EED: variants seen among roughly 807,000 people sequenced by gnomAD.
EED encodes embryonic ectoderm development, also known as polycomb protein EED.
Under a neutral mutation model 61.0 loss-of-function variants are expected in EED, and 9 were observed. That is an observed-to-expected ratio of 0.15 (90% CI 0.09 to 0.26). The LOEUF (loss-of-function observed/expected upper bound fraction) is 0.26, where lower values mean the gene tolerates loss of function less well. Ranked by LOEUF, EED falls within the 10% of genes least tolerant of loss-of-function variation. The probability of loss-of-function intolerance (pLI) is 1.00; values close to 1 mark genes in which losing one functional copy is unlikely to be tolerated. For synonymous variants in EED, 187 were observed against 174.4 expected (o/e 1.07, Z -0.57); for missense variants, 315 against 542.3 (o/e 0.58, Z 4.16).
At chr11:86,270,548 T>G (rs1431868533) in intron 9 of EED, among the ~76,000 whole-genome samples, 1 of 152,178 alleles carries the variant, frequency 6.6e-6, no homozygotes, top group African/African-American at 2.4e-5. Flanking sequence ...TTTTTAAAAT[T>G]ATTTTATGGA....
At chr11:86,256,927 G>A (rs1222587280) in intron 5 of EED, among the ~76,000 whole-genome samples, 7 of 152,098 alleles carry the variant, frequency 4.6e-5, no homozygotes, top group Admixed American at 4.6e-4. Context: ...TTCATCACCT[G>A]TTTTTAACTG....
Position 86,245,092 on chromosome 11 carries a change from A to C in EED, c.-138A>C. On this transcript the variant is annotated 5_prime_UTR_variant, in exon 1 of 12. Transcript: ENST00000263360. Reference sequence around the variant, plus strand: ...ACGCCCGCCTCGGCGGCTGGGCGCGATTTGCGACAGTGGGGGGGGCGGTGG... The same window carrying C: ...ACGCCCGCCTCGGCGGCTGGGCGCGCTTTGCGACAGTGGGGGGGGCGGTGG... 1 of 606,420 alleles carries C rather than the reference A, an allele frequency of 1.6e-6. No homozygotes were observed. Among genetic ancestry groups the C allele is most frequent in the East Asian group, 3.4e-5 (1 of 29,042 alleles). 37.6% of individuals were successfully genotyped at this position (606,420 alleles called of 1,614,324 possible).
At chr11:86,268,637 G>T in intron 9 of EED, 76 bp downstream of exon 9, 1 of 915,946 alleles carries the variant, frequency 1.1e-6, no homozygotes, top group Non-Finnish European at 1.6e-6. Flanking sequence ...ATGTGTGTGC[G>T]CATGTTGGAA....
At chr11:86,256,073 A>G (rs911442336) in intron 4 of EED, among the ~76,000 whole-genome samples, 4 of 152,206 alleles carry the variant, frequency 2.6e-5, no homozygotes, top group Non-Finnish European at 5.9e-5. Flanking sequence ...GTTTTTGTAA[A>G]GTTTTGTTTT....
chr11:86,249,033 G>A (rs925334772), intron 1 of EED, among the ~76,000 whole-genome samples: 3 of 152,096 alleles, frequency 2.0e-5, no homozygotes, highest in Non-Finnish European at 4.4e-5. Context: ...AAGACATAGT[G>A]GAGGGCTATA....
At chr11:86,266,017 G>A in intron 7 of EED, 66 bp from the exon 8 acceptor site, 1 of 1,419,436 alleles carries the variant, frequency 7.0e-7, no homozygotes, top group East Asian at 2.4e-5. Context: ...TTGCACATTA[G>A]GCAAAAATTG....
chr11:86,273,679 C>T (rs961573635), intron 9 of EED, among the ~76,000 whole-genome samples: 3 of 152,318 alleles, frequency 2.0e-5, no homozygotes, highest in South Asian at 2.1e-4. Context: ...ATATAGGATT[C>T]TGGATTCACA....
At chr11:86,286,831 G>A in the EED span, among the ~76,000 whole-genome samples, 1 of 151,922 alleles carries the variant, frequency 6.6e-6, no homozygotes, top group East Asian at 1.9e-4. Context: ...AATTAGCCGG[G>A]CACGGTGGTG....
In EED at chr11:86,276,960, C is replaced by T. The variant is rs1193639785; in HGVS notation, c.967-20C>T. ...GTTCCTCATTAACATTTCTTTTTCT[C>T]ATTTCTCTCTCTGTTTTAGTCTTGT... On this transcript the variant is annotated intron_variant, in intron 9 of 11. Transcript: ENST00000263360. 6.8e-7 allele frequency: 1 copy of T among 1,463,988 alleles called. No individual in the cohort carries two copies. The highest frequency in any genetic ancestry group is 9.1e-7 in the Non-Finnish European group (1 of 1,098,016). The allele number at this position is 1,463,988 out of a possible 1,614,324, so 90.7% of individuals were successfully genotyped here.
intron 6 of EED, among the ~76,000 whole-genome samples, chr11:86,260,266 C>T (rs1057047106): frequency 6.6e-6 from 1 of 152,140 alleles, no homozygotes; most frequent in African/African-American, 2.4e-5. Flanking sequence ...CTCACTCTGT[C>T]AACCAGGCTA....
chr11:86,260,695 A>C lies in EED; in HGVS notation c.634+3099A>C, dbSNP rs1403202577. Among the ~76,000 whole-genome samples the C allele has an allele frequency of 2.6e-5, 4 of 152,330 alleles. No homozygotes were observed. The East Asian group carries it at 7.7e-4, about 29-fold the overall frequency. ...CAATTTTTTAATGTGAGTATGGTGA[A>C]GGGAAAAGCTAGTATCTTGTTCTGT... On this transcript the variant is annotated intron_variant, in intron 6 of 11. Transcript: ENST00000263360.
intron 2 of EED, 141 bp downstream of exon 2, chr11:86,250,589 T>G: frequency 5.8e-6 from 5 of 855,902 alleles, no homozygotes; most frequent in South Asian, 3.4e-5. Flanking sequence ...TTTTTTTTTT[T>G]GTAGTTCAGA....
At position 86,256,487 on chromosome 11, in the gene EED, A is replaced by G; in HGVS notation, c.527A>G (p.Asn176Ser). The change falls in exon 5 of 12, where the codon AAT (asparagine) becomes AGT (serine). Residue 176 changes from asparagine to serine, a missense_variant. Around this residue, in one of 2 missense-constraint regions of EED, gnomAD observed 205 missense variants for 455.4 expected, o/e 0.45. Coordinates refer to ENST00000263360, the MANE Select transcript of EED (RefSeq NM_003797.5). ...TCTAGAGGCATAATTAGGATAATAA[A>G]TCCTATAACAATGCAGTGTATAAAG... Reference protein sequence around the residue: ...AGSRGIIRIINPITMQCIKHY... With the variant: ...AGSRGIIRIISPITMQCIKHY... 1 of 1,610,906 alleles carries G rather than the reference A, an allele frequency of 6.2e-7. No homozygotes were observed. The highest frequency in any genetic ancestry group is 8.5e-7 in the Non-Finnish European group (1 of 1,178,054).
chr11:86,285,042 C>T, the EED span, among the ~76,000 whole-genome samples: 1 of 152,160 alleles, frequency 6.6e-6, no homozygotes, highest in South Asian at 2.1e-4. Context: ...GCCCGTGAGG[C>T]AGAGGTTGCG....
At chr11:86,263,783 C>A (rs761264146) in intron 6 of EED, among the ~76,000 whole-genome samples, 11 of 152,248 alleles carry the variant, frequency 7.2e-5, no homozygotes, top group Middle Eastern at 3.4e-3. Context: ...CATGCTGAAT[C>A]GTCTCAGCAA....
chr11:86,262,647 A>G (rs1456505035), intron 6 of EED, among the ~76,000 whole-genome samples: 1 of 151,946 alleles, frequency 6.6e-6, no homozygotes, highest in Non-Finnish European at 1.5e-5. Context: ...AGTAGCTGGG[A>G]CTACAGGCAC....
chr11:86,275,483 C>T (rs1360344728), intron 9 of EED, among the ~76,000 whole-genome samples: 3 of 152,112 alleles, frequency 2.0e-5, no homozygotes, highest in African/African-American at 7.2e-5. Flanking sequence ...GGCGCAAGGC[C>T]CTGGGAATTG....
At position 86,245,436 on chromosome 11, in the gene EED, G is replaced by T. The variant is rs2291813; in HGVS notation, c.114+93G>T. The T allele has an allele frequency of 0.034, 35,768 of 1,056,930 alleles. 872 individuals carry two copies. Among genetic ancestry groups the T allele is most frequent in the Admixed American group, 0.056 (2,490 of 44,404 alleles). 65.5% of individuals were successfully genotyped at this position (1,056,930 alleles called of 1,614,324 possible). ...CGCGGGGACGAGCGGGCTGCTGTGG[G>T]GGGAGGGAGAGGTGTCACTCAGGAA... is the stretch of plus-strand genomic sequence containing the variant. On this transcript the variant is annotated intron_variant, in intron 1 of 11. Transcript: ENST00000263360.
chr11:86,270,922 C>T (rs1436055572), intron 9 of EED, among the ~76,000 whole-genome samples: 1 of 152,170 alleles, frequency 6.6e-6, no homozygotes. Flanking sequence ...ATTATTGTAG[C>T]TCTATAATTA....
Sources: allele counts gnomAD v4.1 joint callset (sites outside exome capture counted in the v4.1 genomes callset), GRCh38; gene constraint gnomAD v4.1.1; regional missense constraint gnomAD v4.1.1; transcripts MANE v1.5; gene names NCBI Gene and HGNC (gene_info 2026-07-23, HGNC 2026-07-21).